Variants in DRAXIN observed in about 807,000 individuals in gnomAD.
DRAXIN encodes dorsal repulsive axon guidance protein.
In DRAXIN, 27 loss-of-function variants were observed where a neutral mutation model predicts 33.9. The observed-to-expected ratio is 0.80, with a 90% CI of 0.59 to 1.10. The LOEUF (loss-of-function observed/expected upper bound fraction) is 1.10, where lower values mean the gene tolerates loss of function less well. Ranked by LOEUF, DRAXIN falls within the 50% of genes least tolerant of loss-of-function variation. The pLI, the probability that DRAXIN is intolerant of heterozygous loss-of-function variation, is 0.00. For synonymous variants in DRAXIN, 178 were observed against 194.0 expected (o/e 0.92, Z 0.69); for missense variants, 371 against 460.8 (o/e 0.81, Z 1.78).
rs1641688380 is a variant in DRAXIN at position 11,723,700 on chromosome 1, C to G, written c.*4004C>G. 6.6e-6 allele frequency: 1 copy of G among 151,506 alleles called. No individual in the cohort carries two copies. The allele number at this position is 151,506 out of a possible 1,614,324, so 9.4% of individuals were successfully genotyped here. On this transcript the variant is annotated 3_prime_UTR_variant, in exon 7 of 7. Transcript: ENST00000294485. The stretch of plus-strand genomic sequence containing the variant: ...CTCTGCCTCCTGGGTACAAGTGATT[C>G]TCCCGCCTCAGCCTCTCGCGTACCT...
rs1436080260 is a variant in DRAXIN, at chr1:11,724,522, T to C, written c.*4826T>C. On this transcript the variant is annotated 3_prime_UTR_variant, in exon 7 of 7. Transcript: ENST00000294485. ...GACAGCTTCACAGCCCCTTGAGGAG[T>C]GACCAAGCCACAAAGTAAATCCTAA... The C allele has an allele frequency of 6.6e-6, 1 of 151,958 alleles. No homozygotes were observed. Among genetic ancestry groups the C allele is most frequent in the Non-Finnish European group, 1.5e-5 (1 of 68,026 alleles). The allele number at this position is 151,958 out of a possible 1,614,324, so 9.4% of individuals were successfully genotyped here. A position where few individuals can be genotyped will look rare whatever the true frequency, so the allele number is the denominator to read the frequency against.
rs1249253710 is a variant in DRAXIN at position 11,712,220 on chromosome 1, A to G, written c.758-120A>G. On this transcript the variant is annotated intron_variant, in intron 4 of 6. Transcript: ENST00000294485. ...AGGGAAAATACCTGTTAGGTCCAAC[A>G]GTGCCTTGTCCAAGCCATGCTGTAG... The G allele has an allele frequency of 2.5e-6, 3 of 1,181,862 alleles. No homozygotes were observed. The African/African-American group carries it at 4.5e-5, about 18-fold the overall frequency. 73.2% of individuals were successfully genotyped at this position (1,181,862 alleles called of 1,614,324 possible). A position where few individuals can be genotyped will look rare whatever the true frequency, so the allele number is the denominator to read the frequency against.
At chr1:11,700,800 G>A (rs1029988400) in intron 1 of DRAXIN, among the ~76,000 whole-genome samples, 1 of 152,142 alleles carries the variant, frequency 6.6e-6, no homozygotes, top group African/African-American at 2.4e-5. Flanking sequence ...CATGGGACCC[G>A]CCTTGGCCAG....
chr1:11,722,223 C>T lies in DRAXIN; in HGVS notation c.*2527C>T, dbSNP rs905500728. The T allele has an allele frequency of 1.3e-5, 2 of 152,220 alleles. No homozygotes were observed. The highest frequency in any genetic ancestry group is 1.5e-5 in the Non-Finnish European group (1 of 68,066). The allele number at this position is 152,220 out of a possible 1,614,324, so 9.4% of individuals were successfully genotyped here. A position where few individuals can be genotyped will look rare whatever the true frequency, so the allele number is the denominator to read the frequency against. ...GTGTGTGCCTCACATTAAGTGGTGA[C>T]TCGGGACTGTGCTGGCTCTGTGGGG... On this transcript the variant is annotated 3_prime_UTR_variant, in exon 7 of 7. Transcript: ENST00000294485.
rs567316195 is a variant in DRAXIN at position 11,699,634 on chromosome 1, C to T, written c.-10-6615C>T. Among the ~76,000 whole-genome samples, 134 of 152,232 alleles carry T rather than the reference C, an allele frequency of 8.8e-4. 1 individual carries two copies. The highest frequency in any genetic ancestry group is 2.7e-3 in the African/African-American group (112 of 41,538). ...ACTTATTTTAAAGCAAACCGCCGGG[C>T]GCAGTGGCTCAAGCCAGGCATGGTG... is the stretch of plus-strand genomic sequence containing the variant. On this transcript the variant is annotated intron_variant, in intron 1 of 6. Coordinates refer to ENST00000294485, the MANE Select transcript of DRAXIN (RefSeq NM_198545.4).
In DRAXIN at chr1:11,706,733, G is replaced by T. The variant is rs781584056; in HGVS notation, c.451+24G>T. 6 of 1,521,414 alleles carry T rather than the reference G, an allele frequency of 3.9e-6. No homozygotes were observed. In the Admixed American group the frequency reaches 8.0e-5, roughly 20 times the overall value. 94.2% of individuals were successfully genotyped at this position (1,521,414 alleles called of 1,614,324 possible). ...AGGTAGCTGGAGGGCTGCGAGGGGT[G>T]GGGATGGGGGTGATTCCTGCCATGG... is the stretch of plus-strand genomic sequence containing the variant. On this transcript the variant is annotated intron_variant, in intron 2 of 6. Transcript: ENST00000294485. The surrounding 1 kb of genome is among the most constrained non-coding windows in gnomAD (Gnocchi z 5.5).
intron 1 of DRAXIN, among the ~76,000 whole-genome samples, chr1:11,695,079 C>G (rs1641170566): frequency 6.6e-6 from 1 of 152,016 alleles, no homozygotes; most frequent in Non-Finnish European, 1.5e-5. Context: ...AGCAGCTGCA[C>G]TGGTGTTGGT....
rs990300912 is a variant in DRAXIN at position 11,691,834 on chromosome 1, C to T, written c.-30C>T. 1 of 151,844 alleles carries T rather than the reference C, an allele frequency of 6.6e-6. No individual in the cohort carries two copies. The highest frequency in any genetic ancestry group is 2.4e-5 in the African/African-American group (1 of 41,368). The allele number at this position is 151,844 out of a possible 1,614,324, so 9.4% of individuals were successfully genotyped here. ...CGCTCGGCCCCGAGCCCCTCCTCCCCCTACCCGCCGGCCGGACAGGTAAGG... is the reference window on the plus strand; with the variant it reads ...CGCTCGGCCCCGAGCCCCTCCTCCCTCTACCCGCCGGCCGGACAGGTAAGG... On this transcript the variant is annotated 5_prime_UTR_variant, in exon 1 of 7. Transcript: ENST00000294485.
intron 1 of DRAXIN, among the ~76,000 whole-genome samples, chr1:11,698,858 A>G (rs1395693692): frequency 1.3e-5 from 2 of 152,202 alleles, no homozygotes; most frequent in African/African-American, 4.8e-5. Context: ...CTGTCTACAA[A>G]CAAACAAAAA....
At chr1:11,710,591 G>A (rs886529817) in intron 3 of DRAXIN, among the ~76,000 whole-genome samples, 2 of 151,956 alleles carry the variant, frequency 1.3e-5, no homozygotes, top group East Asian at 1.9e-4. Flanking sequence ...GGAGCTGACC[G>A]CATCGTTCTT....
At chr1:11,708,951 T>G (rs1234857361) in intron 2 of DRAXIN, among the ~76,000 whole-genome samples, 1 of 152,212 alleles carries the variant, frequency 6.6e-6, no homozygotes. Context: ...CCATGGTTAA[T>G]CCTACTAGTT....
At position 11,707,605 on chromosome 1, in the gene DRAXIN, T is replaced by G. The variant is rs1199696363; in HGVS notation, c.451+896T>G. Among the ~76,000 whole-genome samples, 3 of 152,244 alleles carry G rather than the reference T, an allele frequency of 2.0e-5. No homozygotes were observed. In the East Asian group the frequency reaches 5.8e-4, roughly 29 times the overall value. ...ATTGTTCTGGTTAATCTCAGCCACC[T>G]GCTGAGGCCAACTCAGTGTCCTCCA... On this transcript the variant is annotated intron_variant, in intron 2 of 6. Coordinates refer to ENST00000294485, the MANE Select transcript of DRAXIN (RefSeq NM_198545.4).
Position 11,719,930 on chromosome 1 carries a change from C to T in DRAXIN, c.*234C>T. 3.9e-6 allele frequency: 2 copies of T among 511,792 alleles called. No individual in the cohort carries two copies. The highest frequency in any genetic ancestry group is 7.2e-6 in the Non-Finnish European group (2 of 278,282). 31.7% of individuals were successfully genotyped at this position (511,792 alleles called of 1,614,324 possible). A position where few individuals can be genotyped will look rare whatever the true frequency, so the allele number is the denominator to read the frequency against. ...CCGGACCCACGCAGCCTCCATCCCGCGTGTCTTGCTCTCCGCGATGGCAAT... is the reference window on the plus strand; with the variant it reads ...CCGGACCCACGCAGCCTCCATCCCGTGTGTCTTGCTCTCCGCGATGGCAAT... On this transcript the variant is annotated 3_prime_UTR_variant, in exon 7 of 7. Coordinates refer to ENST00000294485, the MANE Select transcript of DRAXIN (RefSeq NM_198545.4).
intron 1 of DRAXIN, among the ~76,000 whole-genome samples, chr1:11,701,005 A>T (rs1478779086): frequency 2.0e-5 from 3 of 152,174 alleles, no homozygotes; most frequent in African/African-American, 4.8e-5. Context: ...TCAGGAATCA[A>T]AGCTGACTCC....
intron 2 of DRAXIN, among the ~76,000 whole-genome samples, chr1:11,707,841 G>T (rs1570314353): frequency 6.6e-6 from 1 of 152,176 alleles, no homozygotes; most frequent in South Asian, 2.1e-4. Context: ...CTCCAGTCAG[G>T]TGGCTCCTCC....
intron 1 of DRAXIN, among the ~76,000 whole-genome samples, chr1:11,697,205 T>A (rs892959793): frequency 3.3e-5 from 5 of 152,200 alleles, no homozygotes; most frequent in African/African-American, 1.2e-4. Flanking sequence ...CTTAGTGGGT[T>A]TGGGCTGACA....
upstream of DRAXIN, among the ~76,000 whole-genome samples, chr1:11,688,287 C>T (rs1026251693): frequency 3.3e-5 from 5 of 152,148 alleles, no homozygotes; most frequent in African/African-American, 9.7e-5. This position sits in a 1 kb window ranked among gnomAD's most constrained non-coding sequence, Gnocchi z 4.6. Flanking sequence ...TGGCCGGGCA[C>T]GGTGGCTCAT....
intron 2 of DRAXIN, among the ~76,000 whole-genome samples, chr1:11,708,943 A>C (rs749578702): frequency 3.9e-5 from 6 of 152,194 alleles, no homozygotes; most frequent in Non-Finnish European, 4.4e-5. Context: ...GAAGCCTTCC[A>C]TGGTTAATCC....
intron 6 of DRAXIN, among the ~76,000 whole-genome samples, chr1:11,716,444 C>A (rs1321958459): frequency 6.6e-6 from 1 of 152,170 alleles, no homozygotes; most frequent in Admixed American, 6.5e-5. Context: ...TAATCAGTTC[C>A]ATCCAATATC....
Sources: gnomAD v4.1 joint callset for allele counts (sites outside exome capture counted in the v4.1 genomes callset) on GRCh38, gnomAD v4.1.1 for gene constraint, Gnocchi (gnomAD v3.1) non-coding constraint, MANE v1.5 for transcripts, NCBI Gene and HGNC (gene_info 2026-07-23, HGNC 2026-07-21) for gene names.